Variants in PPP1CC observed in about 807,000 individuals in gnomAD.
PPP1CC encodes the protein protein phosphatase 1 catalytic subunit gamma.
A neutral mutation model predicts 38.4 loss-of-function variants in PPP1CC; 16 were observed. The observed-to-expected ratio is 0.42, with a 90% CI of 0.28 to 0.63. The LOEUF (loss-of-function observed/expected upper bound fraction) is 0.63, where lower values mean the gene tolerates loss of function less well. Ranked by LOEUF, PPP1CC falls within the 30% of genes least tolerant of loss-of-function variation. The probability of loss-of-function intolerance (pLI) is 0.25; values close to 1 mark genes in which losing one functional copy is unlikely to be tolerated. For synonymous variants in PPP1CC, 158 were observed against 136.0 expected (o/e 1.16, Z -1.13); for missense variants, 170 against 391.3 (o/e 0.43, Z 4.77).
chr12:110,716,375 T>TA (rs1452124862), downstream of PPP1CC, among the ~76,000 whole-genome samples: 7 of 151,598 alleles, frequency 4.6e-5, no homozygotes, highest in East Asian at 7.7e-4. Flanking sequence ...TTTTTTGAGA[T>TA]AGAGTCTCGC....
At chr12:110,709,445 G>C in the PPP1CC span, among the ~76,000 whole-genome samples, 1 of 151,924 alleles carries the variant, frequency 6.6e-6, no homozygotes, top group Non-Finnish European at 1.5e-5. Context: ...GGCCAGGTTT[G>C]TCTTGAACTC....
intron 1 of PPP1CC, among the ~76,000 whole-genome samples, chr12:110,738,725 G>A (rs1323331264): frequency 1.3e-5 from 2 of 152,140 alleles, no homozygotes; most frequent in Admixed American, 6.6e-5. Context: ...CAAGCACAAC[G>A]TCACACACAA....
At chr12:110,732,131 G>A in intron 1 of PPP1CC, 1 of 569,660 alleles carries the variant, frequency 1.8e-6, no homozygotes, top group Non-Finnish European at 3.1e-6. Context: ...TTCCAAAAAA[G>A]GAGCCATCCT....
intron 1 of PPP1CC, among the ~76,000 whole-genome samples, chr12:110,736,112 A>C (rs920202690): frequency 2.0e-5 from 3 of 151,984 alleles, no homozygotes; most frequent in Non-Finnish European, 4.4e-5. Flanking sequence ...AAACAAACAA[A>C]CAACAACAAA....
chr12:110,709,653 C>T, the PPP1CC span, among the ~76,000 whole-genome samples: 1,031 of 151,100 alleles, frequency 6.8e-3, 11 homozygotes, highest in Non-Finnish European at 9.3e-3. Context: ...TTGCCTCCCT[C>T]GTTCAAGTGA....
Position 110,742,696 on chromosome 12 carries a change from T to G in PPP1CC, c.12A>C (p.Leu4Phe). 1 of 1,461,044 alleles carries G rather than the reference T, an allele frequency of 6.8e-7. No individual in the cohort carries two copies. The highest frequency in any genetic ancestry group is 1.4e-5 in the African/African-American group (1 of 69,114). The allele number at this position is 1,461,044 out of a possible 1,614,324, so 90.5% of individuals were successfully genotyped here. MADLDKLNIDSIIQ... is the reference protein window; with the variant it reads MADFDKLNIDSIIQ... ...TAATGCTGTCGATGTTGAGTTTATC[T>G]AAATCCGCCATCGCCTTCCCACCGC... Residue 4 changes from leucine to phenylalanine, a missense_variant, in exon 1 of 7, where the codon TTA (leucine) becomes TTC (phenylalanine). Physicochemically the swap from Leu to Phe is conservative, Grantham distance 22 (BLOSUM62 0). This residue lies in a region of PPP1CC where 30 missense variants were observed against 23.0 expected (regional missense o/e 1.30). Coordinates refer to ENST00000335007, the MANE Select transcript of PPP1CC (RefSeq NM_002710.4).
intron 6 of PPP1CC, 82 bp from the exon 7 acceptor site, chr12:110,721,247 T>C (rs141465425): frequency 8.2e-7 from 1 of 1,222,674 alleles, no homozygotes; most frequent in African/African-American, 1.5e-5. Context: ...TCAGATCTTC[T>C]GTTCAGATGG....
chr12:110,721,611 TTA>T (rs2069739885), intron 6 of PPP1CC: 2 of 168,376 alleles, frequency 1.2e-5, no homozygotes, highest in Non-Finnish European at 2.5e-5. Flanking sequence ...GTGGCTGTAT[TTA>T]TGTTTATGAC....
At chr12:110,737,833 G>C (rs1041173853) in intron 1 of PPP1CC, among the ~76,000 whole-genome samples, 26 of 152,066 alleles carry the variant, frequency 1.7e-4, no homozygotes, top group Non-Finnish European at 2.6e-4. Flanking sequence ...CTATAGATCC[G>C]GCTAGCCAAG....
intron 1 of PPP1CC, 47 bp from the exon 2 acceptor site, chr12:110,731,948 A>T: frequency 6.3e-7 from 1 of 1,593,696 alleles, no homozygotes; most frequent in South Asian, 1.1e-5. Flanking sequence ...AAAATACAAA[A>T]TACAATACGA....
intron 4 of PPP1CC, among the ~76,000 whole-genome samples, chr12:110,723,478 C>T (rs1411463692): frequency 1.3e-5 from 2 of 152,180 alleles, no homozygotes; most frequent in Non-Finnish European, 2.9e-5. Context: ...GAAAGCACAA[C>T]CACTGAGCAA....
At chr12:110,741,636 C>T (rs1046625776) in intron 1 of PPP1CC, among the ~76,000 whole-genome samples, 2 of 152,214 alleles carry the variant, frequency 1.3e-5, no homozygotes, top group Admixed American at 6.5e-5. Flanking sequence ...TTTCTATTAA[C>T]CTTTACTTAA....
At chr12:110,736,409 C>T (rs1593584666) in intron 1 of PPP1CC, among the ~76,000 whole-genome samples, 1 of 151,952 alleles carries the variant, frequency 6.6e-6, no homozygotes, top group East Asian at 1.9e-4. Context: ...TTTGGGAGGC[C>T]GAGGTGGGAG....
At chr12:110,726,468 C>G (rs1285036753) in intron 3 of PPP1CC, 1 of 152,136 alleles carries the variant, frequency 6.6e-6, no homozygotes, top group Non-Finnish European at 1.5e-5. Context: ...TTGCTTGAAC[C>G]TGGGAGGCAG....
intron 3 of PPP1CC, among the ~76,000 whole-genome samples, chr12:110,728,235 T>C (rs1477970834): frequency 2.0e-5 from 3 of 151,452 alleles, no homozygotes; most frequent in Non-Finnish European, 4.4e-5. Context: ...CCGCCTCTAC[T>C]AAAAATACAA....
At chr12:110,735,926 G>T (rs1182016569) in intron 1 of PPP1CC, among the ~76,000 whole-genome samples, 1 of 152,026 alleles carries the variant, frequency 6.6e-6, no homozygotes, top group Admixed American at 6.6e-5. Context: ...TTAGCCAGGC[G>T]TGGTGGCAGG....
chr12:110,729,193 T>A (rs2069843649), intron 3 of PPP1CC, among the ~76,000 whole-genome samples: 1 of 110,824 alleles, frequency 9.0e-6, no homozygotes, highest in Non-Finnish European at 1.7e-5. Context: ...TTTTCAAAGC[T>A]TTTTTTTTTT....
intron 4 of PPP1CC, 114 bp downstream of exon 4, chr12:110,724,546 C>T (rs950108067): frequency 6.0e-6 from 4 of 668,484 alleles, no homozygotes; most frequent in Middle Eastern, 2.5e-4. Flanking sequence ...AACACATCAA[C>T]AAAGGAGAGT....
rs909665993 is a variant in PPP1CC at position 110,742,891 on chromosome 12, G to C, written c.-184C>G. On this transcript the variant is annotated 5_prime_UTR_variant, in exon 1 of 7. Transcript: ENST00000335007. ...TCTCTCCCCACTGGAACCACGAGAA[G>C]AACAAAATGGCCGCCGACTCCTTAG... 1 of 418,316 alleles carries C rather than the reference G, an allele frequency of 2.4e-6. No individual in the cohort carries two copies. Among genetic ancestry groups the C allele is most frequent in the Non-Finnish European group, 4.1e-6 (1 of 241,036 alleles). The allele number at this position is 418,316 out of a possible 1,614,324, so 25.9% of individuals were successfully genotyped here. A position where few individuals can be genotyped will look rare whatever the true frequency, so the allele number is the denominator to read the frequency against.
Sources: gnomAD v4.1 joint callset for allele counts (sites outside exome capture counted in the v4.1 genomes callset) on GRCh38, gnomAD v4.1.1 for gene constraint, gnomAD v4.1.1 regional missense constraint, MANE v1.5 for transcripts, NCBI Gene and HGNC (gene_info 2026-07-23, HGNC 2026-07-21) for gene names.